Variants in TINAG observed in about 807,000 individuals in gnomAD.
TINAG encodes tubulointerstitial nephritis antigen.
A neutral mutation model predicts 72.7 loss-of-function variants in TINAG; 83 were observed. The observed-to-expected ratio is 1.14, with a 90% CI of 0.96 to 1.37. The LOEUF (loss-of-function observed/expected upper bound fraction) is 1.37. Ranked by LOEUF, TINAG falls within the 40% of genes most tolerant of loss-of-function variation. The pLI is 0.00. For missense variants in TINAG, 685 were observed against 576.6 expected, an observed-to-expected ratio of 1.19 and a Z score of -1.93; for synonymous variants, 234 against 189.9, an observed-to-expected ratio of 1.23 and a Z score of -1.91.
rs1177481549 is a variant in TINAG, at chr6:54,390,108, A to T, written c.*183A>T. The T allele has an allele frequency of 2.6e-6, 2 of 756,280 alleles. No individual in the cohort carries two copies. Among genetic ancestry groups the T allele is most frequent in the Admixed American group, 3.7e-5 (1 of 26,728 alleles). The allele number at this position is 756,280 out of a possible 1,614,324, so 46.8% of individuals were successfully genotyped here. ...TTCCTTCATATTACTGAGCATTAACAACACCAATAAAGGACAGCAGAGTCC... is the reference window on the plus strand; with the variant it reads ...TTCCTTCATATTACTGAGCATTAACTACACCAATAAAGGACAGCAGAGTCC... On this transcript the variant is annotated 3_prime_UTR_variant, in exon 11 of 11. Transcript: ENST00000259782.
At chr6:54,389,515 T>A (rs1764187572) in intron 10 of TINAG, among the ~76,000 whole-genome samples, 1 of 152,204 alleles carries the variant, frequency 6.6e-6, no homozygotes, top group African/African-American at 2.4e-5. Flanking sequence ...TTGCATGCCA[T>A]CTTCTGATGT....
intron 7 of TINAG, among the ~76,000 whole-genome samples, chr6:54,350,695 A>G (rs562183603): frequency 1.3e-5 from 2 of 148,518 alleles, no homozygotes; most frequent in East Asian, 4.0e-4. Context: ...TAAAAACTTC[A>G]TCTTCTCTGT....
chr6:54,385,604 G>A (rs1010698569), intron 10 of TINAG, among the ~76,000 whole-genome samples: 1 of 151,916 alleles, frequency 6.6e-6, no homozygotes, highest in Admixed American at 6.6e-5. Context: ...ATCCTTTCAG[G>A]GAATAGGAAA....
chr6:54,344,479 T>G (rs1785073526), intron 5 of TINAG, among the ~76,000 whole-genome samples: 1 of 152,126 alleles, frequency 6.6e-6, no homozygotes, highest in African/African-American at 2.4e-5. Context: ...GACCAGATAA[T>G]AAAAAGAAGA....
At chr6:54,310,601 TTC>T (rs201698709) in intron 1 of TINAG, among the ~76,000 whole-genome samples, 8 of 147,342 alleles carry the variant, frequency 5.4e-5, no homozygotes, top group South Asian at 2.2e-4. Flanking sequence ...TTTCTTTTCT[TTC>T]TCTCTCTCTG....
chr6:54,308,093 C>A (rs1171378069), upstream of TINAG: 2 of 1,549,822 alleles, frequency 1.3e-6, no homozygotes, highest in Non-Finnish European at 1.7e-6. Flanking sequence ...CGTTTCAATG[C>A]AGGCAGGTGA....
chr6:54,371,435 C>T (rs1004710413), intron 9 of TINAG, among the ~76,000 whole-genome samples: 11 of 151,700 alleles, frequency 7.3e-5, no homozygotes, highest in African/African-American at 1.7e-4. Flanking sequence ...AAAATTCAAA[C>T]GTTCTTTAAC....
At position 54,336,408 on chromosome 6, in the gene TINAG, A is replaced by T. The variant is rs534243494; in HGVS notation, c.625-6818A>T. 2.7e-3 allele frequency among the ~76,000 whole-genome samples: 417 copies of T among 152,140 alleles called. 4 individuals carry two copies. The highest frequency in any genetic ancestry group is 0.027 in the Middle Eastern group (8 of 294). The stretch of plus-strand genomic sequence containing the variant: ...TAAAGAAAGGTGTAGGCCTGGATTT[A>T]TTGACTCTGATAGAGTTTATATATT... On this transcript the variant is annotated intron_variant, in intron 4 of 10. Coordinates refer to ENST00000259782, the MANE Select transcript of TINAG (RefSeq NM_014464.4).
In TINAG at chr6:54,316,562, C is replaced by A. The variant is rs146621794; in HGVS notation, c.356-4017C>A. Among the ~76,000 whole-genome samples, 215 of 152,228 alleles carry A rather than the reference C, an allele frequency of 1.4e-3. 2 individuals are homozygous for A. The highest frequency in any genetic ancestry group is 5.0e-3 in the African/African-American group (209 of 41,540). On this transcript the variant is annotated intron_variant, in intron 1 of 10. Coordinates refer to ENST00000259782, the MANE Select transcript of TINAG (RefSeq NM_014464.4). ...CTGGGGGGTGGATTCCTGATTAGAG[C>A]AAGCAACTGCCTTTACTTTAGTGAA...
At chr6:54,342,948 T>C (rs1217257610) in intron 4 of TINAG, among the ~76,000 whole-genome samples, 3 of 152,154 alleles carry the variant, frequency 2.0e-5, no homozygotes. Context: ...TTCAAGGTGA[T>C]AGAAACATTG....
chr6:54,376,097 A>C (rs1763769129), intron 9 of TINAG, among the ~76,000 whole-genome samples: 1 of 152,120 alleles, frequency 6.6e-6, no homozygotes, highest in African/African-American at 2.4e-5. Flanking sequence ...TTTTGCCATA[A>C]ATTCTACACT....
chr6:54,346,629 C>G (rs888967044), intron 5 of TINAG, among the ~76,000 whole-genome samples: 1 of 151,520 alleles, frequency 6.6e-6, no homozygotes, highest in African/African-American at 2.4e-5. Context: ...ACAGTAGTAA[C>G]AGTAATTGTA....
intron 9 of TINAG, among the ~76,000 whole-genome samples, chr6:54,372,017 G>A (rs969005892): frequency 1.7e-4 from 17 of 100,986 alleles, no homozygotes; most frequent in Admixed American, 5.2e-4. Flanking sequence ...TTGAGATGGA[G>A]TTTTACCCTT....
chr6:54,337,159 G>C (rs1024903124), intron 4 of TINAG, among the ~76,000 whole-genome samples: 2 of 150,414 alleles, frequency 1.3e-5, no homozygotes, highest in East Asian at 3.9e-4. Flanking sequence ...ATATTTCAAT[G>C]ACAGCCAAGT....
intron 1 of TINAG, among the ~76,000 whole-genome samples, chr6:54,319,822 C>T (rs1476009586): frequency 1.3e-5 from 2 of 151,984 alleles, no homozygotes; most frequent in African/African-American, 4.8e-5. Context: ...AAGTTGAGTC[C>T]CTTTTGCTAA....
intron 9 of TINAG, chr6:54,369,890 A>T (rs997710176): frequency 3.9e-5 from 6 of 151,986 alleles, no homozygotes; most frequent in African/African-American, 1.2e-4. Context: ...TTTAATCTGA[A>T]TTTTTTCAAT....
intron 3 of TINAG, among the ~76,000 whole-genome samples, chr6:54,323,016 G>A (rs1271192623): frequency 6.6e-6 from 1 of 152,216 alleles, no homozygotes; most frequent in Non-Finnish European, 1.5e-5. Context: ...ACACTTAGGA[G>A]CACAGAGGTT....
intron 10 of TINAG, among the ~76,000 whole-genome samples, chr6:54,386,887 A>G (rs1279968262): frequency 1.3e-5 from 2 of 152,216 alleles, no homozygotes; most frequent in African/African-American, 2.4e-5. Context: ...CGGGCACAAA[A>G]TAAACTTTTT....
chr6:54,380,185 C>A (rs897726755), intron 9 of TINAG, among the ~76,000 whole-genome samples: 1 of 151,880 alleles, frequency 6.6e-6, no homozygotes, highest in East Asian at 1.9e-4. Context: ...CATTGATGGG[C>A]ATTTGGGTTA....
Sources: gnomAD v4.1 joint callset for allele counts (sites outside exome capture counted in the v4.1 genomes callset) on GRCh38, gnomAD v4.1.1 for gene constraint, MANE v1.5 for transcripts, NCBI Gene and HGNC (gene_info 2026-07-23, HGNC 2026-07-21) for gene names.